The following PHF24 variants were observed in gnomAD, a reference collection of about 807,000 sequenced individuals.
The protein encoded by PHF24 is Galpha inhibitory interacting protein.
PHF24 carries 25 observed loss-of-function variants against 42.6 expected under a neutral mutation model. The observed-to-expected ratio is 0.59, with a 90% CI of 0.43 to 0.82. The LOEUF (loss-of-function observed/expected upper bound fraction) is 0.82. PHF24 is among the 40% of genes least tolerant of loss of function. The pLI, the probability that PHF24 is intolerant of heterozygous loss-of-function variation, is 0.00. For synonymous variants in PHF24, 185 were observed against 204.8 expected (o/e 0.90, Z 0.83); for missense variants, 470 against 538.1 (o/e 0.87, Z 1.25).
chr9:34,785,085 G>T, the PHF24 span, among the ~76,000 whole-genome samples: 1 of 152,326 alleles, frequency 6.6e-6, no homozygotes, highest in African/African-American at 2.4e-5. Flanking sequence ...AAATAAGAGA[G>T]ATGTATTTCT....
At chr9:34,846,979 A>T in the PHF24 span, among the ~76,000 whole-genome samples, 1 of 152,190 alleles carries the variant, frequency 6.6e-6, no homozygotes, top group African/African-American at 2.4e-5. Flanking sequence ...TGGTACTAGT[A>T]CCATGCTGTT....
At chr9:34,809,201 T>C in the PHF24 span, among the ~76,000 whole-genome samples, 1 of 152,022 alleles carries the variant, frequency 6.6e-6, no homozygotes, top group Non-Finnish European at 1.5e-5. The surrounding 1 kb of genome is among the most constrained non-coding windows in gnomAD (Gnocchi z 4.1). Context: ...GGTATAGAAA[T>C]TGAATTCATC....
At chr9:34,706,418 G>A in the PHF24 span, among the ~76,000 whole-genome samples, 2 of 152,150 alleles carry the variant, frequency 1.3e-5, no homozygotes, top group African/African-American at 2.4e-5. Flanking sequence ...AAATAGCATA[G>A]GAGTTAAAGT....
At chr9:34,668,450 C>A in the PHF24 span, among the ~76,000 whole-genome samples, 1 of 152,202 alleles carries the variant, frequency 6.6e-6, no homozygotes, top group Non-Finnish European at 1.5e-5. Flanking sequence ...AAGGAATACA[C>A]ACAATGCACA....
chr9:34,720,704 A>G, the PHF24 span, among the ~76,000 whole-genome samples: 3 of 152,062 alleles, frequency 2.0e-5, no homozygotes, highest in Non-Finnish European at 2.9e-5. Flanking sequence ...GAGCACTAGG[A>G]TGCCATCTCT....
the PHF24 span, among the ~76,000 whole-genome samples, chr9:34,763,314 T>G: frequency 6.6e-6 from 1 of 152,264 alleles, no homozygotes; most frequent in Non-Finnish European, 1.5e-5. Context: ...ATGACATTGA[T>G]TCTTCCTACC....
chr9:34,976,815 G>A, intron 5 of PHF24, 75 bp downstream of exon 5: 2 of 1,289,854 alleles, frequency 1.6e-6, no homozygotes, highest in Non-Finnish European at 2.2e-6. Context: ...GGCAGATTGG[G>A]GGAGCACTGG....
At chr9:34,710,148 G>T in the PHF24 span, 12 of 1,094,144 alleles carry the variant, frequency 1.1e-5, no homozygotes, top group Non-Finnish European at 6.9e-6. Context: ...CGTGGGCTGG[G>T]ATTGGCCTGC....
upstream of PHF24, among the ~76,000 whole-genome samples, chr9:34,957,944 G>A (rs1826423518): frequency 6.6e-6 from 1 of 151,668 alleles, no homozygotes; most frequent in Non-Finnish European, 1.5e-5. Context: ...TCGGCCGCTG[G>A]CGCAGTCCCC....
chr9:34,977,306 G>A (rs1827230579), intron 6 of PHF24, 63 bp downstream of exon 6: 1 of 1,520,414 alleles, frequency 6.6e-7, no homozygotes, highest in Admixed American at 2.0e-5. Flanking sequence ...CATGCCAGTG[G>A]CCCTTCCATA....
the PHF24 span, among the ~76,000 whole-genome samples, chr9:34,771,824 G>T: frequency 6.6e-6 from 1 of 152,172 alleles, no homozygotes; most frequent in African/African-American, 2.4e-5. Flanking sequence ...TTGTTTTAAA[G>T]AAAACATTTT....
At chr9:34,720,467 C>CAAA in the PHF24 span, among the ~76,000 whole-genome samples, 2 of 141,016 alleles carry the variant, frequency 1.4e-5, no homozygotes, top group African/African-American at 5.4e-5. Context: ...AAAAACAAAA[C>CAAA]AAAACAAAAA....
chr9:34,947,122 G>T, the PHF24 span, among the ~76,000 whole-genome samples: 1 of 152,176 alleles, frequency 6.6e-6, no homozygotes, highest in Non-Finnish European at 1.5e-5. Flanking sequence ...TTGAGACTCG[G>T]ACCTAGCCAA....
At chr9:34,751,798 T>G in the PHF24 span, among the ~76,000 whole-genome samples, 1 of 152,186 alleles carries the variant, frequency 6.6e-6, no homozygotes, top group African/African-American at 2.4e-5. Flanking sequence ...GATCATTTGT[T>G]AGGCCATAAA....
At chr9:34,715,626 C>A in the PHF24 span, among the ~76,000 whole-genome samples, 1 of 152,176 alleles carries the variant, frequency 6.6e-6, no homozygotes, top group African/African-American at 2.4e-5. Context: ...TTGTGACAAC[C>A]TCTGGGATGG....
At chr9:34,800,498 C>T in the PHF24 span, among the ~76,000 whole-genome samples, 1 of 152,164 alleles carries the variant, frequency 6.6e-6, no homozygotes, top group African/African-American at 2.4e-5. Flanking sequence ...GAACAGAGAC[C>T]TCAGAAATAA....
At chr9:34,828,172 G>A in the PHF24 span, among the ~76,000 whole-genome samples, 1 of 151,652 alleles carries the variant, frequency 6.6e-6, no homozygotes, top group Non-Finnish European at 1.5e-5. Context: ...TGTCCCTCTG[G>A]GTCTCTGCCC....
the PHF24 span, among the ~76,000 whole-genome samples, chr9:34,851,767 G>A: frequency 9.2e-5 from 14 of 151,992 alleles, no homozygotes; most frequent in Non-Finnish European, 4.4e-5. Context: ...CCTAATTGTC[G>A]ATCACAAGTT....
the PHF24 span, among the ~76,000 whole-genome samples, chr9:34,739,761 G>A: frequency 6.6e-6 from 1 of 152,154 alleles, no homozygotes; most frequent in African/African-American, 2.4e-5. Context: ...CTTCCACACT[G>A]TGGAAGGATA....
Sources: allele counts gnomAD v4.1 joint callset (sites outside exome capture counted in the v4.1 genomes callset), GRCh38; gene constraint gnomAD v4.1.1; non-coding constraint Gnocchi (gnomAD v3.1); transcripts MANE v1.5; gene names NCBI Gene and HGNC (gene_info 2026-07-23, HGNC 2026-07-21).